STT3B: variants seen among roughly 807,000 people sequenced by gnomAD.
The protein encoded by STT3B is dolichyl-diphosphooligosaccharide--protein glycosyltransferase subunit STT3B.
A neutral mutation model predicts 96.8 loss-of-function variants in STT3B; 29 were observed. The observed-to-expected ratio is 0.30, with a 90% CI of 0.22 to 0.41. The LOEUF (loss-of-function observed/expected upper bound fraction) is 0.41. STT3B is among the 10% of genes least tolerant of loss of function. The probability of loss-of-function intolerance (pLI) is 1.00; values close to 1 mark genes in which losing one functional copy is unlikely to be tolerated. For synonymous variants in STT3B, 367 were observed against 360.0 expected, an observed-to-expected ratio of 1.02 and a Z score of -0.22; for missense variants, 640 against 1,022.3, an observed-to-expected ratio of 0.63 and a Z score of 5.10.
At chr3:31,618,426 GA>G (rs1326016992) in intron 8 of STT3B, among the ~76,000 whole-genome samples, 2 of 149,790 alleles carry the variant, frequency 1.3e-5, no homozygotes, top group Non-Finnish European at 3.0e-5. Context: ...TTAAATCTGT[GA>G]AACACAAGAG....
At chr3:31,582,747 G>T (rs1275725215) in intron 3 of STT3B, among the ~76,000 whole-genome samples, 1 of 151,834 alleles carries the variant, frequency 6.6e-6, no homozygotes, top group Non-Finnish European at 1.5e-5. Flanking sequence ...ATACATTGTG[G>T]TTTTGTTTTC....
At chr3:31,559,743 G>A (rs1253742972) in intron 1 of STT3B, among the ~76,000 whole-genome samples, 4 of 151,958 alleles carry the variant, frequency 2.6e-5, no homozygotes, top group African/African-American at 9.7e-5. Context: ...TGTTTCTTTG[G>A]TAACTTTGTC....
intron 1 of STT3B, among the ~76,000 whole-genome samples, chr3:31,572,015 C>CATATTAATATATATTAATATATGAT (rs11274052): frequency 0.15 from 19,317 of 131,386 alleles, 1,639 homozygotes; most frequent in East Asian, 0.24. Flanking sequence ...TTTTATTAAA[C>CATATTAATATATATTAATATATGAT]ATATTAATAT....
chr3:31,633,151 G>A lies in STT3B; in HGVS notation c.2400+4G>A, dbSNP rs766401079. On this transcript the variant is annotated splice_donor_region_variant and intron_variant, in intron 15 of 15. Transcript: ENST00000295770. ...ACAGAAGTATTTGTCAAAGAAGGTG[G>A]GTGCCAAGTGAAGGCATTAAAGGGT... The A allele has an allele frequency of 1.9e-6, 3 of 1,612,754 alleles. No individual in the cohort carries two copies. Among genetic ancestry groups the A allele is most frequent in the Non-Finnish European group, 8.5e-7 (1 of 1,179,544 alleles).
chr3:31,625,842 T>A, intron 12 of STT3B, 112 bp from the exon 13 acceptor site: 1 of 1,022,334 alleles, frequency 9.8e-7, no homozygotes, highest in Non-Finnish European at 1.4e-6. Context: ...GCAAAAAAAT[T>A]CCATGTAAAA....
intron 1 of STT3B, among the ~76,000 whole-genome samples, chr3:31,555,682 A>G (rs1331402971): frequency 6.6e-6 from 1 of 152,026 alleles, no homozygotes; most frequent in Non-Finnish European, 1.5e-5. Context: ...TTTATTATGT[A>G]TTTTTGTGGA....
In STT3B at chr3:31,580,939, GAAAA is replaced by G. The variant is rs200979073; in HGVS notation, c.711+853_711+856del. Among the ~76,000 whole-genome samples the G allele has an allele frequency of 3.6e-4, 47 of 131,324 alleles. 1 individual carries two copies. The highest frequency in any genetic ancestry group is 7.9e-3 in the Middle Eastern group (2 of 254). The allele number at this position is 131,324 out of a possible 152,430, so 86.2% of individuals were successfully genotyped here. A position where few individuals can be genotyped will look rare whatever the true frequency, so the allele number is the denominator to read the frequency against. On this transcript the variant is annotated intron_variant, in intron 3 of 15. Transcript: ENST00000295770. ...TTTGTTTATTGTGTGCAGCTGAGGA[GAAAA>G]AAAAAAAAACACCTTAAAATCGAGA...
chr3:31,546,538 G>A (rs1193152643), intron 1 of STT3B, among the ~76,000 whole-genome samples: 1 of 152,184 alleles, frequency 6.6e-6, no homozygotes, highest in Admixed American at 6.5e-5. Context: ...AGTAACTTCA[G>A]CTATATTTTG....
rs771996984 is a variant in STT3B, at chr3:31,595,595, ATG to A, written c.712-1201_712-1200del. Reference sequence around the variant, plus strand: ...TATAGTACCTTTCATCAATCCTAAAATGTATACTTTCTCCCCAGATTTTGACA... The same window carrying A: ...TATAGTACCTTTCATCAATCCTAAAATATACTTTCTCCCCAGATTTTGACA... On this transcript the variant is annotated intron_variant, in intron 3 of 15. Transcript: ENST00000295770. Among the ~76,000 whole-genome samples, 3 of 152,170 alleles carry A rather than the reference ATG, an allele frequency of 2.0e-5. No homozygotes were observed. In the South Asian group the frequency reaches 6.2e-4, roughly 31 times the overall value.
Position 31,625,975 on chromosome 3 carries a change from A to G in STT3B, c.1921A>G (p.Asn641Asp), listed in dbSNP as rs1292800840. ...IALVGKAMSS[N>D]ETAAYKIMRT... ...GCAGGTGGGAAAAGCTATGTCTTCT[A>G]ATGAAACAGCAGCCTATAAAATCAT... Residue 641 changes from asparagine (N) to aspartate (D), a missense_variant, in exon 13 of 16, where the codon AAT becomes GAT. Coordinates refer to ENST00000295770, the MANE Select transcript of STT3B (RefSeq NM_178862.3). 1 of 1,609,004 alleles carries G rather than the reference A, an allele frequency of 6.2e-7. No individual in the cohort carries two copies. Among genetic ancestry groups the G allele is most frequent in the Non-Finnish European group, 8.5e-7 (1 of 1,178,316 alleles).
chr3:31,573,438 C>CAGTGCT (rs1396614286), intron 1 of STT3B, among the ~76,000 whole-genome samples: 1 of 152,082 alleles, frequency 6.6e-6, no homozygotes, highest in Non-Finnish European at 1.5e-5. Context: ...GCTTGGATTA[C>CAGTGCT]AGTGCTAGTA....
intron 1 of STT3B, among the ~76,000 whole-genome samples, chr3:31,566,095 A>G (rs1365480893): frequency 2.0e-5 from 3 of 152,230 alleles, no homozygotes; most frequent in Admixed American, 1.3e-4. Flanking sequence ...GTAAGGTTAT[A>G]TAAGATGGTA....
intron 9 of STT3B, among the ~76,000 whole-genome samples, chr3:31,621,430 T>C (rs943513311): frequency 1.3e-5 from 2 of 152,108 alleles, no homozygotes; most frequent in African/African-American, 4.8e-5. Context: ...TATGATGCGA[T>C]GTATTTTTTA....
chr3:31,605,925 C>T (rs558953350), intron 5 of STT3B, among the ~76,000 whole-genome samples: 45 of 152,224 alleles, frequency 3.0e-4, no homozygotes, highest in African/African-American at 1.0e-3. Flanking sequence ...ATGATATGGA[C>T]AATGAAATCT....
chr3:31,577,356 AT>A (rs1247443648), intron 2 of STT3B, among the ~76,000 whole-genome samples: 5 of 152,144 alleles, frequency 3.3e-5, no homozygotes, highest in Non-Finnish European at 7.4e-5. Context: ...TACTAGCTGC[AT>A]TTCATAAGTT....
chr3:31,632,960 T>G lies in STT3B; in HGVS notation c.2213T>G (p.Phe738Cys). 6.2e-7 allele frequency: 1 copy of G among 1,614,056 alleles called. No homozygotes were observed. ...CTGGATTTTCGTACACCCCCAGGTT[T>G]TGACCGAACACGTAATGCTGAGATT... ...MQLDFRTPPGFDRTRNAEIGN... is the reference protein window; with the variant it reads ...MQLDFRTPPGCDRTRNAEIGN... The change falls in exon 15 of 16, where the codon TTT becomes TGT. Residue 738 changes from phenylalanine to cysteine, a missense_variant. Phe to Cys is a radical substitution (Grantham distance 205, BLOSUM62 -2). Around this residue, in one of 8 missense-constraint regions of STT3B, gnomAD observed 40 missense variants for 122.2 expected, o/e 0.33. Coordinates refer to ENST00000295770, the MANE Select transcript of STT3B (RefSeq NM_178862.3).
At chr3:31,614,835 T>A (rs943662652) in intron 5 of STT3B, among the ~76,000 whole-genome samples, 2 of 151,916 alleles carry the variant, frequency 1.3e-5, no homozygotes, top group Admixed American at 1.3e-4. Context: ...ACAAACTTGA[T>A]TCCATTTCTG....
intron 6 of STT3B, 46 bp from the exon 7 acceptor site, chr3:31,616,883 C>T (rs1403436324): frequency 1.3e-6 from 2 of 1,533,912 alleles, no homozygotes. Context: ...TTTAAATGAC[C>T]TTGGAAAACT....
intron 3 of STT3B, among the ~76,000 whole-genome samples, chr3:31,595,258 CAG>C (rs1336465025): frequency 1.3e-5 from 2 of 152,144 alleles, no homozygotes; most frequent in Admixed American, 6.5e-5. Flanking sequence ...AGTTCAGAGA[CAG>C]AGATTCTGTA....
Sources: allele counts gnomAD v4.1 joint callset (sites outside exome capture counted in the v4.1 genomes callset), GRCh38; gene constraint gnomAD v4.1.1; regional missense constraint gnomAD v4.1.1; transcripts MANE v1.5; gene names NCBI Gene and HGNC (gene_info 2026-07-23, HGNC 2026-07-21).